The following ZMAT1 variants were observed in gnomAD, a reference collection of about 807,000 sequenced individuals.
The protein encoded by ZMAT1 is zinc finger matrin-type protein 1.
In ZMAT1, 11 loss-of-function variants were observed where a neutral mutation model predicts 18.5. The ratio of observed to expected loss-of-function variants is 0.59; its 90% CI spans 0.37 to 0.98. The LOEUF (loss-of-function observed/expected upper bound fraction) is 0.98, where lower values mean the gene tolerates loss of function less well. Ranked by LOEUF, ZMAT1 falls within the 50% of genes least tolerant of loss-of-function variation. The pLI is 0.01. For synonymous variants in ZMAT1, 211 were observed against 176.4 expected, an observed-to-expected ratio of 1.20 and a Z score of -1.55; for missense variants, 525 against 496.2, an observed-to-expected ratio of 1.06 and a Z score of -0.55.
intron 1 of ZMAT1, among the ~76,000 whole-genome samples, chrX:101,918,849 C>G (rs1250442103): frequency 9.1e-6 from 1 of 110,220 alleles, no homozygotes; most frequent in Non-Finnish European, 1.9e-5. Context: ...AACTGACACT[C>G]AAGTTCATAA....
intron 1 of ZMAT1, among the ~76,000 whole-genome samples, chrX:101,905,517 C>T (rs1384381390): frequency 9.0e-6 from 1 of 111,729 alleles, no homozygotes; most frequent in Non-Finnish European, 1.9e-5. Context: ...CAGAGAGATG[C>T]CAATTGCTTA....
At position 101,883,616 on chromosome X, in the gene ZMAT1, A is replaced by C. The variant is rs748682279; in HGVS notation, c.1982T>G (p.Val661Gly). 67 of 1,206,341 alleles carry C rather than the reference A, an allele frequency of 5.6e-5. No individual in the cohort carries two copies. Among genetic ancestry groups the C allele is most frequent in the Non-Finnish European group, 7.0e-5 (63 of 894,132 alleles). ...CTTACGTTCTTCTTTCTCGGAGGGTACATCATGGCTTTTTTTCTTTTTTCG... is the reference window on the plus strand; with the variant it reads ...CTTACGTTCTTCTTTCTCGGAGGGTCCATCATGGCTTTTTTTCTTTTTTCG... Reference protein sequence around the residue: ...KHRKKKKSHDVPSEKEERKHR... With the variant: ...KHRKKKKSHDGPSEKEERKHR... Residue 661 changes from valine (V) to glycine (G), a missense_variant, in exon 6 of 6, where the codon GTA becomes GGA. Val to Gly is a moderately radical substitution (Grantham distance 109). Coordinates refer to ENST00000651725, the MANE Select transcript of ZMAT1 (RefSeq NM_001394560.1).
At chrX:101,894,622 G>A in intron 4 of ZMAT1, 2 of 550,369 alleles carry the variant, frequency 3.6e-6, no homozygotes, top group Non-Finnish European at 4.4e-6. Flanking sequence ...TGTAGAGTAA[G>A]GTCAAGGATG....
intron 1 of ZMAT1, among the ~76,000 whole-genome samples, chrX:101,930,581 A>G (rs1306221710): frequency 2.7e-5 from 3 of 112,544 alleles, no homozygotes; most frequent in Non-Finnish European, 5.6e-5. Context: ...TTTTTATGCG[A>G]TAATTTTAAT....
Position 101,932,026 on chromosome X carries a change from A to G in ZMAT1, c.-18T>C. 2.6e-6 allele frequency: 2 copies of G among 764,585 alleles called. No individual in the cohort carries two copies. 63.0% of individuals were successfully genotyped at this position (764,585 alleles called of 1,213,427 possible). A position where few individuals can be genotyped will look rare whatever the true frequency, so the allele number is the denominator to read the frequency against. On this transcript the variant is annotated 5_prime_UTR_variant, in exon 1 of 6. Coordinates refer to ENST00000651725, the MANE Select transcript of ZMAT1 (RefSeq NM_001394560.1). Reference sequence around the variant, plus strand: ...GCCGCCATCGCAGCGAGGCGCGCGGACAATTGCACTTGCGTCTCGATTCCG... The same window carrying G: ...GCCGCCATCGCAGCGAGGCGCGCGGGCAATTGCACTTGCGTCTCGATTCCG...
intron 1 of ZMAT1, among the ~76,000 whole-genome samples, chrX:101,920,854 T>C (rs1929674755): frequency 9.0e-6 from 1 of 111,521 alleles, no homozygotes; most frequent in Admixed American, 9.5e-5. Flanking sequence ...AAGTGATTCT[T>C]ATGATCAGTT....
At chrX:101,911,468 C>A in intron 1 of ZMAT1, 1 of 645,263 alleles carries the variant, frequency 1.5e-6, no homozygotes, top group Non-Finnish European at 2.3e-6. Flanking sequence ...AAAAGAATAA[C>A]TACAACTTTT....
intron 4 of ZMAT1, 198 bp from the exon 5 acceptor site, chrX:101,886,929 C>T (rs1375728371): frequency 8.7e-6 from 3 of 346,077 alleles, no homozygotes; most frequent in Non-Finnish European, 1.5e-5. Context: ...AGAGCCCACA[C>T]CTCTTAATTG....
At chrX:101,897,421 A>G (rs1020007311) in intron 4 of ZMAT1, among the ~76,000 whole-genome samples, 2 of 106,033 alleles carry the variant, frequency 1.9e-5, no homozygotes, top group Non-Finnish European at 3.9e-5. Flanking sequence ...GCGCACCAGC[A>G]TGGCACATGT....
chrX:101,884,902 A>G (rs1026378658), intron 5 of ZMAT1, 81 bp from the exon 6 acceptor site: 48 of 557,293 alleles, frequency 8.6e-5, no homozygotes, highest in Non-Finnish European at 1.1e-4. Context: ...ATTAGTCTGA[A>G]AAAACAAAAA....
At chrX:101,905,118 A>G (rs1928519676) in intron 1 of ZMAT1, among the ~76,000 whole-genome samples, 1 of 112,228 alleles carries the variant, frequency 8.9e-6, no homozygotes, top group Non-Finnish European at 1.9e-5. Flanking sequence ...TCCAAGAAAC[A>G]TGAAGCTATG....
intron 1 of ZMAT1, among the ~76,000 whole-genome samples, chrX:101,918,879 T>A (rs937123246): frequency 6.3e-5 from 7 of 110,389 alleles, no homozygotes; most frequent in African/African-American, 2.0e-4. Context: ...CTTTTTTTTT[T>A]AAACACACCC....
chrX:101,892,449 A>G (rs985327981), intron 4 of ZMAT1, among the ~76,000 whole-genome samples: 3 of 111,335 alleles, frequency 2.7e-5, no homozygotes, highest in Admixed American at 1.9e-4. Context: ...ATTTGATAAG[A>G]TTTGCTAATG....
At chrX:101,912,334 C>G (rs1254620187) in intron 1 of ZMAT1, among the ~76,000 whole-genome samples, 1 of 111,583 alleles carries the variant, frequency 9.0e-6, no homozygotes, top group African/African-American at 3.3e-5. Flanking sequence ...GCCTCGAACA[C>G]CCATTAGTGC....
intron 4 of ZMAT1, chrX:101,888,012 A>T (rs1453428686): frequency 1.8e-5 from 2 of 111,624 alleles, no homozygotes; most frequent in Non-Finnish European, 3.8e-5. Flanking sequence ...GACTTCTTTG[A>T]TAAAAATCAA....
chrX:101,904,356 T>C (rs773916747), intron 1 of ZMAT1, 26 bp from the exon 2 acceptor site: 2 of 1,011,256 alleles, frequency 2.0e-6, no homozygotes, highest in Non-Finnish European at 1.4e-6. Flanking sequence ...GGAAGACAAA[T>C]ATATCACATT....
intron 4 of ZMAT1, chrX:101,894,639 TGGGAATACC>T (rs1415691383): frequency 1.2e-5 from 7 of 565,870 alleles, no homozygotes; most frequent in Admixed American, 9.1e-5. Flanking sequence ...GATGAAACCA[TGGGAATACC>T]TACATTTAGG....
chrX:101,907,107 C>G (rs772862159), intron 1 of ZMAT1, among the ~76,000 whole-genome samples: 4 of 112,281 alleles, frequency 3.6e-5, no homozygotes, highest in Admixed American at 2.8e-4. Context: ...TGGACTCAAG[C>G]TCCAGGCCCA....
intron 1 of ZMAT1, among the ~76,000 whole-genome samples, chrX:101,921,924 G>A (rs1182034161): frequency 1.8e-5 from 2 of 111,201 alleles, no homozygotes; most frequent in Admixed American, 1.9e-4. Flanking sequence ...GCTAACTTTC[G>A]ATTAAATACG....
Sources: gnomAD v4.1 joint callset for allele counts (sites outside exome capture counted in the v4.1 genomes callset) on GRCh38, gnomAD v4.1.1 for gene constraint, MANE v1.5 for transcripts, NCBI Gene and HGNC (gene_info 2026-07-23, HGNC 2026-07-21) for gene names.